The following SERPINB5 variants were observed in gnomAD, a reference collection of about 807,000 sequenced individuals.
SERPINB5 encodes the protein serpin family B member 5.
A neutral mutation model predicts 32.2 loss-of-function variants in SERPINB5; 27 were observed. The observed-to-expected ratio is 0.84, with a 90% CI of 0.62 to 1.16. SERPINB5 has a LOEUF of 1.16. SERPINB5 is among the 50% of genes most tolerant of loss of function. The pLI, the probability that SERPINB5 is intolerant of heterozygous loss-of-function variation, is 0.00. For missense variants in SERPINB5, 388 were observed against 436.3 expected, an observed-to-expected ratio of 0.89 and a Z score of 0.99; for synonymous variants, 154 against 157.4, an observed-to-expected ratio of 0.98 and a Z score of 0.16.
chr18:63,481,632 T>C (rs927577398), intron 1 of SERPINB5, among the ~76,000 whole-genome samples: 2 of 152,246 alleles, frequency 1.3e-5, no homozygotes, highest in African/African-American at 4.8e-5. Flanking sequence ...GTTTTACTTG[T>C]AGATGAACTT....
chr18:63,492,196 G>A (rs755751895), intron 4 of SERPINB5, among the ~76,000 whole-genome samples: 6 of 152,166 alleles, frequency 3.9e-5, no homozygotes, highest in Non-Finnish European at 8.8e-5. Flanking sequence ...TTGGCTATTG[G>A]GATTTAGCTT....
chr18:63,477,006 T>C lies in SERPINB5; in HGVS notation c.-47T>C, dbSNP rs966263346. The stretch of plus-strand genomic sequence containing the variant: ...GGTCTTTGTGCTCCTCGCTTGCCTG[T>C]TCCTTTTCCACGCATTTTCCAGGAT... On this transcript the variant is annotated 5_prime_UTR_variant, in exon 1 of 7. Transcript: ENST00000382771. The C allele has an allele frequency of 2.6e-5, 4 of 152,356 alleles. No individual in the cohort carries two copies. The highest frequency in any genetic ancestry group is 5.9e-5 in the Non-Finnish European group (4 of 68,114). The allele number at this position is 152,356 out of a possible 1,614,324, so 9.4% of individuals were successfully genotyped here. A position where few individuals can be genotyped will look rare whatever the true frequency, so the allele number is the denominator to read the frequency against.
intron 5 of SERPINB5, among the ~76,000 whole-genome samples, chr18:63,495,442 A>G (rs1048738490): frequency 3.3e-5 from 5 of 152,180 alleles, no homozygotes; most frequent in Non-Finnish European, 7.4e-5. Flanking sequence ...TCCTTTGATT[A>G]GTGATTGGCT....
chr18:63,484,415 C>T lies in SERPINB5; in HGVS notation c.-7-7C>T. Reference sequence around the variant, plus strand: ...GAAACTAACTGCTCCCTTGTCCTTGCTTCCAGGCCCGCAATGGATGCCCTG... The same window carrying T: ...GAAACTAACTGCTCCCTTGTCCTTGTTTCCAGGCCCGCAATGGATGCCCTG... On this transcript the variant is annotated splice_polypyrimidine_tract_variant and splice_region_variant and intron_variant, in intron 1 of 6. Transcript: ENST00000382771. The T allele has an allele frequency of 6.2e-7, 1 of 1,606,828 alleles. No homozygotes were observed. The highest frequency in any genetic ancestry group is 8.5e-7 in the Non-Finnish European group (1 of 1,177,114).
rs1348174725 is a variant in SERPINB5 at position 63,504,746 on chromosome 18, G to A, written c.*1024G>A. ...TGTCTCTTCATCTAATATGATAGCG[G>A]GAAAAGGAGAGGAAACTACTGCCTT... On this transcript the variant is annotated 3_prime_UTR_variant, in exon 7 of 7. Transcript: ENST00000382771. 2 of 152,100 alleles carry A rather than the reference G, an allele frequency of 1.3e-5. No individual in the cohort carries two copies. Among genetic ancestry groups the A allele is most frequent in the African/African-American group, 2.4e-5 (1 of 41,416 alleles). The allele number at this position is 152,100 out of a possible 1,614,324, so 9.4% of individuals were successfully genotyped here.
intron 4 of SERPINB5, among the ~76,000 whole-genome samples, chr18:63,490,046 G>T (rs1381704494): frequency 6.6e-6 from 1 of 152,114 alleles, no homozygotes; most frequent in African/African-American, 2.4e-5. Flanking sequence ...CAAAAAATTA[G>T]CCGGGCGTGG....
intron 5 of SERPINB5, chr18:63,497,144 C>T: frequency 1.6e-6 from 1 of 640,424 alleles, no homozygotes. Context: ...TGTGGCCAGA[C>T]AGGAGTTCTA....
intron 5 of SERPINB5, 87 bp from the exon 6 acceptor site, chr18:63,499,033 G>T: frequency 1.7e-6 from 1 of 582,986 alleles, no homozygotes; most frequent in Non-Finnish European, 2.5e-6. Flanking sequence ...GTGTGTGTGT[G>T]TGCGCGCGTG....
intron 1 of SERPINB5, among the ~76,000 whole-genome samples, chr18:63,479,084 A>G (rs1252533584): frequency 3.3e-5 from 5 of 152,160 alleles, no homozygotes; most frequent in Admixed American, 3.3e-4. Flanking sequence ...TAAGGGATGA[A>G]AAAACTATAC....
chr18:63,497,442 G>A, intron 5 of SERPINB5: 1 of 783,900 alleles, frequency 1.3e-6, no homozygotes, highest in Non-Finnish European at 2.2e-6. Context: ...TGCTGCGGCT[G>A]CACACCATTC....
At chr18:63,484,749 T>TTTTTTTTTTG (rs1469951156) in intron 2 of SERPINB5, among the ~76,000 whole-genome samples, 153 bp downstream of exon 2, 1 of 133,134 alleles carries the variant, frequency 7.5e-6, no homozygotes, top group Non-Finnish European at 1.6e-5. Flanking sequence ...ATCTTTTTTT[T>TTTTTTTTTTG]TTTTTTTTTT....
At chr18:63,503,137 G>T (rs546101992) in intron 6 of SERPINB5, among the ~76,000 whole-genome samples, 193 bp from the exon 7 acceptor site, 2 of 152,264 alleles carry the variant, frequency 1.3e-5, no homozygotes, top group African/African-American at 4.8e-5. Flanking sequence ...TATAGGCTGG[G>T]GAGGAGGAGG....
At chr18:63,495,367 T>C (rs566822054) in intron 5 of SERPINB5, among the ~76,000 whole-genome samples, 1 of 152,154 alleles carries the variant, frequency 6.6e-6, no homozygotes, top group Admixed American at 6.6e-5. Context: ...TAGGGAGGGG[T>C]GTTGGCCCCA....
At chr18:63,494,690 G>A (rs1233317452) in intron 5 of SERPINB5, among the ~76,000 whole-genome samples, 3 of 152,124 alleles carry the variant, frequency 2.0e-5, no homozygotes, top group East Asian at 1.9e-4. Context: ...TGGGTTAGCC[G>A]GATGGCTTCC....
chr18:63,500,902 G>GT (rs890396665), intron 6 of SERPINB5, among the ~76,000 whole-genome samples: 116 of 140,102 alleles, frequency 8.3e-4, no homozygotes, highest in Non-Finnish European at 1.4e-3. Flanking sequence ...TACTCTCTCT[G>GT]TTTTTTTTCT....
chr18:63,496,666 A>C (rs2144506545), intron 5 of SERPINB5, among the ~76,000 whole-genome samples: 1 of 152,368 alleles, frequency 6.6e-6, no homozygotes, highest in South Asian at 2.1e-4. Flanking sequence ...TTACTGGAGT[A>C]TTATCCTTGC....
At position 63,483,018 on chromosome 18, in the gene SERPINB5, G is replaced by A. The variant is rs187513599; in HGVS notation, c.-7-1404G>A. Among the ~76,000 whole-genome samples, 5 of 152,232 alleles carry A rather than the reference G, an allele frequency of 3.3e-5. No homozygotes were observed. The East Asian group carries it at 7.7e-4, about 24-fold the overall frequency. On this transcript the variant is annotated intron_variant, in intron 1 of 6. Transcript: ENST00000382771. ...TCTATTAGAGATTGAGAATGATAATGTCTTAGTATTATCATGAGAATAGTT... is the reference window on the plus strand; with the variant it reads ...TCTATTAGAGATTGAGAATGATAATATCTTAGTATTATCATGAGAATAGTT...
chr18:63,491,791 G>A (rs1264619338), intron 4 of SERPINB5, among the ~76,000 whole-genome samples: 1 of 152,106 alleles, frequency 6.6e-6, no homozygotes, highest in Non-Finnish European at 1.5e-5. Context: ...AGACTTCTGA[G>A]TTTGAAATGG....
chr18:63,482,861 T>G (rs542777553), intron 1 of SERPINB5, among the ~76,000 whole-genome samples: 24 of 150,610 alleles, frequency 1.6e-4, no homozygotes, highest in African/African-American at 5.8e-4. Context: ...ATGAATAATA[T>G]ATATATTAAA....
Sources: gnomAD v4.1 joint callset for allele counts (sites outside exome capture counted in the v4.1 genomes callset) on GRCh38, gnomAD v4.1.1 for gene constraint, MANE v1.5 for transcripts, NCBI Gene and HGNC (gene_info 2026-07-23, HGNC 2026-07-21) for gene names.